TMEM131L: variants seen among roughly 807,000 people sequenced by gnomAD.
TMEM131L encodes transmembrane protein 131-like.
Under a neutral mutation model 192.2 loss-of-function variants are expected in TMEM131L, and 54 were observed. That is an observed-to-expected ratio of 0.28 (90% confidence interval 0.23 to 0.35). The LOEUF (loss-of-function observed/expected upper bound fraction) is 0.35, where lower values mean the gene tolerates loss of function less well. TMEM131L is among the 10% of genes least tolerant of loss of function. The probability of loss-of-function intolerance (pLI) is 1.00; values close to 1 mark genes in which losing one functional copy is unlikely to be tolerated. For synonymous variants in TMEM131L, 701 were observed against 704.9 expected (o/e 0.99, Z 0.09); for missense variants, 1,888 against 1,972.9 (o/e 0.96, Z 0.82).
Position 153,581,503 on chromosome 4 carries a change from C to G in TMEM131L, c.835C>G (p.His279Asp), listed in dbSNP as rs139356600. ...AAAAGAATTTGAAGAAAACACACAA[C>G]ATTTGTTAGATCATCTCTCTATTGT... ...FSKEFEENTQHLLDHLSIVYV... is the reference protein window; with the variant it reads ...FSKEFEENTQDLLDHLSIVYV... The change falls in exon 9 of 35, where the codon CAT becomes GAT. Residue 279 changes from histidine (H) to aspartate (D), a missense_variant. His to Asp is a moderately conservative substitution (Grantham distance 81). Coordinates refer to ENST00000409959, the MANE Select transcript of TMEM131L (RefSeq NM_001131007.2). 233 of 1,603,954 alleles carry G rather than the reference C, an allele frequency of 1.5e-4. 1 individual carries two copies. In the African/African-American group the frequency reaches 2.7e-3, roughly 19 times the overall value.
chr4:153,537,718 C>G (rs781318396), intron 3 of TMEM131L, among the ~76,000 whole-genome samples: 1 of 152,158 alleles, frequency 6.6e-6, no homozygotes, highest in South Asian at 2.1e-4. Context: ...GTGCTGACCT[C>G]TTATCTCATC....
At chr4:153,621,628 A>G (rs764918541) in intron 27 of TMEM131L, 55 bp from the exon 28 acceptor site, 27 of 1,572,862 alleles carry the variant, frequency 1.7e-5, no homozygotes, top group Admixed American at 3.4e-5. Flanking sequence ...GGAAGTCTGC[A>G]TGTGTACATG....
intron 4 of TMEM131L, 30 bp downstream of exon 4, chr4:153,550,171 C>G: frequency 4.3e-6 from 4 of 921,080 alleles, no homozygotes; most frequent in Non-Finnish European, 6.4e-6. Flanking sequence ...AATTAAAACT[C>G]ATTTTATTTA....
At chr4:153,622,801 C>A in intron 28 of TMEM131L, 97 bp from the exon 29 acceptor site, 1 of 1,190,630 alleles carries the variant, frequency 8.4e-7, no homozygotes, top group Non-Finnish European at 1.2e-6. Flanking sequence ...TGAAGGTGAA[C>A]CTGGCCCTAC....
chr4:153,479,137 A>G (rs1731748732), intron 3 of TMEM131L, among the ~76,000 whole-genome samples: 1 of 152,214 alleles, frequency 6.6e-6, no homozygotes, highest in Non-Finnish European at 1.5e-5. Context: ...GAACGGGACC[A>G]GTGTGAATTC....
At chr4:153,504,935 A>G (rs978984050) in intron 3 of TMEM131L, among the ~76,000 whole-genome samples, 1 of 152,128 alleles carries the variant, frequency 6.6e-6, no homozygotes, top group African/African-American at 2.4e-5. Flanking sequence ...TTAGGTTTCC[A>G]GGGGGGCATG....
At chr4:153,598,806 C>A in intron 21 of TMEM131L, 74 bp downstream of exon 21, 1 of 1,221,092 alleles carries the variant, frequency 8.2e-7, no homozygotes, top group Non-Finnish European at 1.1e-6. Context: ...TCTATAAATT[C>A]TAAATTTTAA....
rs111377061 is a variant in TMEM131L at position 153,592,208 on chromosome 4, A to AT, written c.1813-256dup. Among the ~76,000 whole-genome samples, 65 of 146,394 alleles carry AT rather than the reference A, an allele frequency of 4.4e-4. 1 individual carries two copies. Among genetic ancestry groups the AT allele is most frequent in the South Asian group, 8.6e-4 (4 of 4,648 alleles). ...AGATCCCACTGTCATACTTTCCAGCATTTTTTTTTTTCTGGTTCAGAATCC... is the reference window on the plus strand; with the variant it reads ...AGATCCCACTGTCATACTTTCCAGCATTTTTTTTTTTTCTGGTTCAGAATCC... On this transcript the variant is annotated intron_variant, in intron 17 of 34. Coordinates refer to ENST00000409959, the MANE Select transcript of TMEM131L (RefSeq NM_001131007.2).
At chr4:153,628,196 T>C (rs1316632109) in intron 31 of TMEM131L, among the ~76,000 whole-genome samples, 1 of 152,214 alleles carries the variant, frequency 6.6e-6, no homozygotes, top group Non-Finnish European at 1.5e-5. Flanking sequence ...CCCGCCTTGC[T>C]CAGGCATCAG....
intron 3 of TMEM131L, among the ~76,000 whole-genome samples, chr4:153,500,447 G>A (rs1330988233): frequency 2.6e-5 from 4 of 152,180 alleles, no homozygotes; most frequent in African/African-American, 9.7e-5. Flanking sequence ...AGTGGATAGA[G>A]TGATTCTGTT....
intron 3 of TMEM131L, among the ~76,000 whole-genome samples, chr4:153,524,138 T>G (rs1169502093): frequency 1.3e-5 from 2 of 151,368 alleles, no homozygotes; most frequent in Admixed American, 6.6e-5. Flanking sequence ...TCTGTTTTTT[T>G]TTTTTTTTTT....
intron 3 of TMEM131L, among the ~76,000 whole-genome samples, chr4:153,538,259 C>T (rs759307575): frequency 6.6e-6 from 1 of 152,160 alleles, no homozygotes; most frequent in Non-Finnish European, 1.5e-5. Context: ...GGTGTGGCCA[C>T]ATCAGTCTGG....
intron 11 of TMEM131L, 121 bp downstream of exon 11, chr4:153,583,793 C>G (rs1430260791): frequency 1.6e-6 from 1 of 639,932 alleles, no homozygotes; most frequent in Non-Finnish European, 2.8e-6. Context: ...CGTTTGATTT[C>G]AAGAAGTCCC....
chr4:153,565,767 A>G lies in TMEM131L; in HGVS notation c.660+7399A>G, dbSNP rs188682239. Among the ~76,000 whole-genome samples, 77 of 152,372 alleles carry G rather than the reference A, an allele frequency of 5.1e-4. No homozygotes were observed. In the East Asian group the frequency reaches 0.013, roughly 26 times the overall value. ...ATATTAACATAGTAGAATATTAAGT[A>G]GTTCTTTGAATTATAATTATGATAC... On this transcript the variant is annotated intron_variant, in intron 7 of 34. Coordinates refer to ENST00000409959, the MANE Select transcript of TMEM131L (RefSeq NM_001131007.2).
intron 26 of TMEM131L, among the ~76,000 whole-genome samples, chr4:153,617,088 AC>A (rs1733024177): frequency 6.6e-6 from 1 of 152,130 alleles, no homozygotes; most frequent in South Asian, 2.1e-4. Context: ...CATGGGAGGA[AC>A]CCTATGGGAG....
chr4:153,606,878 C>T (rs1561238228), intron 25 of TMEM131L, among the ~76,000 whole-genome samples: 1 of 152,166 alleles, frequency 6.6e-6, no homozygotes. Flanking sequence ...TGCTAATTCA[C>T]AGTCCTCTAC....
rs574563012 is a variant in TMEM131L, at chr4:153,524,136, T to G, written c.240-25937T>G. On this transcript the variant is annotated intron_variant, in intron 3 of 34. Transcript: ENST00000409959. ...CTTTCCCATGTTTCACTTCTGTTTT[T>G]TTTTTTTTTTTTTTTCCTGTCTTAG... Among the ~76,000 whole-genome samples the G allele has an allele frequency of 1.9e-3, 287 of 151,290 alleles. 1 individual carries two copies. Among genetic ancestry groups the G allele is most frequent in the Non-Finnish European group, 3.0e-3 (202 of 67,742 alleles).
At chr4:153,596,514 A>G in intron 20 of TMEM131L, 129 bp downstream of exon 20, 1 of 1,132,048 alleles carries the variant, frequency 8.8e-7, no homozygotes, top group Non-Finnish European at 1.3e-6. Flanking sequence ...CGGGGTAGGA[A>G]GAAGTGGAAG....
chr4:153,494,601 A>G (rs770290983), intron 3 of TMEM131L, among the ~76,000 whole-genome samples: 16 of 152,202 alleles, frequency 1.1e-4, no homozygotes, highest in Non-Finnish European at 7.3e-5. Context: ...AATATCTGAT[A>G]CAACAGTCTT....
Sources: gnomAD v4.1 joint callset for allele counts (sites outside exome capture counted in the v4.1 genomes callset) on GRCh38, gnomAD v4.1.1 for gene constraint, MANE v1.5 for transcripts, NCBI Gene and HGNC (gene_info 2026-07-23, HGNC 2026-07-21) for gene names.